STK24: variants seen among roughly 807,000 people sequenced by gnomAD.
STK24 encodes serine/threonine kinase 24.
STK24 carries 21 observed loss-of-function variants against 55.6 expected under a neutral mutation model. That is an observed-to-expected ratio of 0.38 (90% CI 0.27 to 0.54). STK24 has a LOEUF of 0.54. STK24 is among the 20% of genes least tolerant of loss of function. STK24 has a pLI of 0.79. For synonymous variants in STK24, 200 were observed against 215.2 expected, an observed-to-expected ratio of 0.93 and a Z score of 0.62; for missense variants, 383 against 538.4, an observed-to-expected ratio of 0.71 and a Z score of 2.86.
At chr13:98,531,456 T>G (rs765716457) in intron 1 of STK24, among the ~76,000 whole-genome samples, 11 of 152,230 alleles carry the variant, frequency 7.2e-5, no homozygotes, top group Non-Finnish European at 1.5e-4. Context: ...CCTGGCCTCC[T>G]CCATTGCCCT....
At chr13:98,543,479 G>A (rs555462577) in intron 1 of STK24, among the ~76,000 whole-genome samples, 14 of 152,174 alleles carry the variant, frequency 9.2e-5, no homozygotes, top group East Asian at 5.8e-4. Flanking sequence ...ATTCTGGTGC[G>A]TAATAAAGGC....
At chr13:98,569,688 G>A (rs1454373666) in intron 1 of STK24, among the ~76,000 whole-genome samples, 3 of 151,920 alleles carry the variant, frequency 2.0e-5, no homozygotes, top group African/African-American at 4.8e-5. Context: ...CTGCAGATCC[G>A]TCTGCAGTCC....
chr13:98,519,259 T>A lies in STK24; in HGVS notation c.257A>T (p.Tyr86Phe). The A allele has an allele frequency of 6.2e-7, 1 of 1,614,068 alleles. No individual in the cohort carries two copies. Residue 86 changes from tyrosine to phenylalanine, a missense_variant, in exon 2 of 11, where the codon TAT (tyrosine) becomes TTT (phenylalanine). Tyr to Phe is a conservative substitution (Grantham distance 22, BLOSUM62 3). Transcript: ENST00000539966. ...QCDSPYVTKY[Y>F]GSYLKDTKLW... ...AAGCCTTACCTTCAGATAGGATCCA[T>A]AATATTTGGTTACATATGGACTGTC...
At chr13:98,486,332 A>T (rs1594601574) in intron 2 of STK24, among the ~76,000 whole-genome samples, 1 of 152,166 alleles carries the variant, frequency 6.6e-6, no homozygotes, top group African/African-American at 2.4e-5. Context: ...AGGACAACAG[A>T]CAGTCAACAT....
chr13:98,490,830 TAAAA>T (rs141888833), intron 2 of STK24, among the ~76,000 whole-genome samples: 1 of 135,016 alleles, frequency 7.4e-6, no homozygotes, highest in Non-Finnish European at 1.6e-5. Context: ...CAGCCTACAT[TAAAA>T]AAAAAAAAAA....
intron 2 of STK24, among the ~76,000 whole-genome samples, chr13:98,498,153 A>G (rs1336808701): frequency 6.6e-6 from 1 of 152,252 alleles, no homozygotes; most frequent in Non-Finnish European, 1.5e-5. Context: ...AACTGTTGAT[A>G]GAGATATGAT....
intron 1 of STK24, among the ~76,000 whole-genome samples, chr13:98,540,857 T>C (rs1481915416): frequency 6.6e-6 from 1 of 150,846 alleles, no homozygotes; most frequent in Non-Finnish European, 1.5e-5. Flanking sequence ...TCCTGGGCCT[T>C]AAAGCATGAC....
chr13:98,519,670 C>T (rs944905909), intron 1 of STK24, among the ~76,000 whole-genome samples, 197 bp from the exon 2 acceptor site: 4 of 152,082 alleles, frequency 2.6e-5, no homozygotes, highest in Non-Finnish European at 5.9e-5. Context: ...CCTACACATG[C>T]GCATCAGACT....
rs373868582 is a variant in STK24 at position 98,474,552 on chromosome 13, G to A, written c.597+269C>T. Among the ~76,000 whole-genome samples the A allele has an allele frequency of 2.7e-3, 415 of 150,942 alleles. 5 individuals are homozygous for A. The highest frequency in any genetic ancestry group is 8.5e-3 in the African/African-American group (347 of 40,998). On this transcript the variant is annotated intron_variant, in intron 5 of 10. Transcript: ENST00000539966. ...GTTCCTCCCACCCCCCTCCAAACCC[G>A]CTCCATCCTGTGTCCCCGCTGCCAC...
intron 2 of STK24, among the ~76,000 whole-genome samples, chr13:98,491,691 CAA>C (rs11285292): frequency 1.5e-3 from 202 of 132,674 alleles, no homozygotes; most frequent in East Asian, 8.8e-3. Context: ...ATTACTAAGC[CAA>C]AAAAAAAAAA....
At position 98,474,688 on chromosome 13, in the gene STK24, G is replaced by A. The variant is rs1894296491; in HGVS notation, c.597+133C>T. 6 of 1,170,370 alleles carry A rather than the reference G, an allele frequency of 5.1e-6. No homozygotes were observed. In the South Asian group the frequency reaches 6.0e-5, roughly 12 times the overall value. 72.5% of individuals were successfully genotyped at this position (1,170,370 alleles called of 1,614,324 possible). A position where few individuals can be genotyped will look rare whatever the true frequency, so the allele number is the denominator to read the frequency against. ...GAGAAAACTGTTCATAACCAAGGTTGAAGAATTACCTTTATGACCTACCTC... is the reference window on the plus strand; with the variant it reads ...GAGAAAACTGTTCATAACCAAGGTTAAAGAATTACCTTTATGACCTACCTC... On this transcript the variant is annotated intron_variant, in intron 5 of 10. Coordinates refer to ENST00000539966, the MANE Select transcript of STK24 (RefSeq NM_001032296.4).
chr13:98,572,397 G>A (rs1897765645), intron 1 of STK24, among the ~76,000 whole-genome samples: 1 of 152,130 alleles, frequency 6.6e-6, no homozygotes, highest in Admixed American at 6.5e-5. Context: ...TGGTAACAGG[G>A]TAACTGGGCA....
rs752761414 is a variant in STK24 at position 98,446,098 on chromosome 13, A to G, written c.*7075T>C. ...TCTCACAGGCCTCCTTGCCTTTCAGAATCAGTTGTCTGGAAACCTGCTGAG... is the reference window on the plus strand; with the variant it reads ...TCTCACAGGCCTCCTTGCCTTTCAGGATCAGTTGTCTGGAAACCTGCTGAG... On this transcript the variant is annotated 3_prime_UTR_variant, in exon 11 of 11. Transcript: ENST00000539966. 1 of 1,611,080 alleles carries G rather than the reference A, an allele frequency of 6.2e-7. No homozygotes were observed. Among genetic ancestry groups the G allele is most frequent in the East Asian group, 2.2e-5 (1 of 44,862 alleles).
chr13:98,525,497 TG>T (rs1481134756), intron 1 of STK24, among the ~76,000 whole-genome samples: 1 of 152,136 alleles, frequency 6.6e-6, no homozygotes, highest in Non-Finnish European at 1.5e-5. Context: ...GACTAGGGGA[TG>T]GGGGCGGGGA....
chr13:98,500,973 G>A (rs1212096870), intron 2 of STK24, among the ~76,000 whole-genome samples: 10 of 151,802 alleles, frequency 6.6e-5, no homozygotes, highest in Admixed American at 2.0e-4. Context: ...AAACATGCGC[G>A]TCCATGTCAC....
chr13:98,544,402 C>T (rs1166564900), intron 1 of STK24, among the ~76,000 whole-genome samples: 1 of 152,236 alleles, frequency 6.6e-6, no homozygotes, highest in Non-Finnish European at 1.5e-5. Context: ...CAGCTTTGCA[C>T]TGTGGGCCCC....
At chr13:98,486,484 G>T (rs1894811433) in intron 2 of STK24, among the ~76,000 whole-genome samples, 1 of 152,222 alleles carries the variant, frequency 6.6e-6, no homozygotes, top group African/African-American at 2.4e-5. Context: ...TTTGGGGGCT[G>T]CAGGCAAGGC....
intron 2 of STK24, among the ~76,000 whole-genome samples, chr13:98,495,449 A>G (rs1895215239): frequency 6.6e-6 from 1 of 152,250 alleles, no homozygotes; most frequent in African/African-American, 2.4e-5. Flanking sequence ...GAATGTGCAT[A>G]TTGAGACAAA....
intron 10 of STK24, chr13:98,456,895 A>C: frequency 9.3e-6 from 5 of 537,792 alleles, no homozygotes; most frequent in Non-Finnish European, 1.6e-5. Context: ...AAGAGGAAAC[A>C]GGTATTTCAC....
Sources: allele counts gnomAD v4.1 joint callset (sites outside exome capture counted in the v4.1 genomes callset), GRCh38; gene constraint gnomAD v4.1.1; transcripts MANE v1.5; gene names NCBI Gene and HGNC (gene_info 2026-07-23, HGNC 2026-07-21).